The following CDH4 variants were observed in gnomAD, a reference collection of about 807,000 sequenced individuals.
CDH4 encodes cadherin 4.
Under a neutral mutation model 86.0 loss-of-function variants are expected in CDH4, and 33 were observed. That is an observed-to-expected ratio of 0.38 (90% CI 0.29 to 0.51). CDH4 has a LOEUF of 0.51. Among genes scored for constraint, CDH4 ranks in the 20% least tolerant of loss-of-function variants. CDH4 has a pLI of 0.86. For synonymous variants in CDH4, 555 were observed against 549.4 expected (o/e 1.01, Z -0.14); for missense variants, 1,114 against 1,307.4 (o/e 0.85, Z 2.28).
intron 9 of CDH4, among the ~76,000 whole-genome samples, chr20:61,910,809 C>A (rs1487843690): frequency 6.6e-6 from 1 of 152,116 alleles, no homozygotes; most frequent in Non-Finnish European, 1.5e-5. Context: ...GCTTGGCAGA[C>A]CCCCCAAAAA....
At chr20:61,604,647 C>T (rs758364124) in intron 2 of CDH4, among the ~76,000 whole-genome samples, 2 of 152,112 alleles carry the variant, frequency 1.3e-5, no homozygotes, top group Non-Finnish European at 2.9e-5. Context: ...TTCTTACTGA[C>T]GCACTCCTTC....
intron 2 of CDH4, among the ~76,000 whole-genome samples, chr20:61,486,572 C>A (rs920406177): frequency 6.6e-6 from 1 of 152,212 alleles, no homozygotes; most frequent in Non-Finnish European, 1.5e-5. Context: ...GTGGTGCCAC[C>A]TCAGTTAATA....
At chr20:61,887,016 G>A (rs992056228) in intron 7 of CDH4, among the ~76,000 whole-genome samples, 4 of 152,196 alleles carry the variant, frequency 2.6e-5, no homozygotes, top group Admixed American at 1.3e-4. Context: ...GCCCAGGCCC[G>A]CTACATGCAG....
Position 61,910,485 on chromosome 20 carries a change from C to G in CDH4, c.1252C>G (p.Arg418Gly), listed in dbSNP as rs766529605. Reference protein sequence around the residue: ...TVVANLTVMDRDQPHSPNWNA... With the variant: ...TVVANLTVMDGDQPHSPNWNA... ...GGTCGCAAACCTCACGGTGATGGAC[C>G]GAGATCAGCCCCACTCTCCAAACTG... Residue 418 changes from arginine (R) to glycine (G), a missense_variant, in exon 9 of 16, where the codon CGA (arginine) becomes GGA (glycine). Coordinates refer to ENST00000614565, the MANE Select transcript of CDH4 (RefSeq NM_001794.5). The G allele has an allele frequency of 2.9e-5, 47 of 1,613,882 alleles. No homozygotes were observed. In the East Asian group the frequency reaches 9.6e-4, roughly 33 times the overall value.
In CDH4 at chr20:61,862,068, G is replaced by A. The variant is rs1290254718; in HGVS notation, c.877+9170G>A. Among the ~76,000 whole-genome samples, 3 of 152,204 alleles carry A rather than the reference G, an allele frequency of 2.0e-5. No homozygotes were observed. In the East Asian group the frequency reaches 5.8e-4, roughly 29 times the overall value. ...GCAAAGGCTGTGCCCTCAGCCCAGG[G>A]CGCTGTCCCCCACGCTCTGCGCCAG... On this transcript the variant is annotated intron_variant, in intron 6 of 15. Coordinates refer to ENST00000614565, the MANE Select transcript of CDH4 (RefSeq NM_001794.5).
intron 2 of CDH4, among the ~76,000 whole-genome samples, chr20:61,572,985 G>A (rs1455213201): frequency 6.6e-6 from 1 of 150,810 alleles, no homozygotes; most frequent in African/African-American, 2.5e-5. Context: ...TGGATGGACG[G>A]ATAGACGGAC....
intron 7 of CDH4, among the ~76,000 whole-genome samples, chr20:61,882,824 C>T (rs929703341): frequency 6.6e-6 from 1 of 151,726 alleles, no homozygotes; most frequent in Non-Finnish European, 1.5e-5. Context: ...CCGCCCCAGC[C>T]CCCCGCCCCT....
At chr20:61,534,055 G>GA (rs758398094) in intron 2 of CDH4, among the ~76,000 whole-genome samples, 7 of 152,198 alleles carry the variant, frequency 4.6e-5, no homozygotes, top group Non-Finnish European at 8.8e-5. Flanking sequence ...GCAATAGGCA[G>GA]GCATGAGATA....
At chr20:61,567,217 C>T (rs910979341) in intron 2 of CDH4, among the ~76,000 whole-genome samples, 2 of 152,206 alleles carry the variant, frequency 1.3e-5, no homozygotes, top group Non-Finnish European at 2.9e-5. Flanking sequence ...TCCGAGCCCC[C>T]CAGGAAAGGC....
intron 2 of CDH4, among the ~76,000 whole-genome samples, chr20:61,674,233 G>A (rs1037721552): frequency 4.6e-5 from 7 of 152,192 alleles, no homozygotes; most frequent in African/African-American, 9.7e-5. Flanking sequence ...CCCGAGTCCC[G>A]TGGGGCGGAG....
chr20:61,730,877 C>T, intron 2 of CDH4, among the ~76,000 whole-genome samples: 1 of 146,772 alleles, frequency 6.8e-6, no homozygotes, highest in Non-Finnish European at 1.5e-5. Context: ...GCCATGCAGG[C>T]AGCGGGCTGA....
intron 4 of CDH4, among the ~76,000 whole-genome samples, chr20:61,827,815 A>G (rs1357851304): frequency 6.6e-6 from 1 of 152,212 alleles, no homozygotes; most frequent in Non-Finnish European, 1.5e-5. Flanking sequence ...CCAACAGGAC[A>G]CCCAGGTCAA....
At chr20:61,463,649 C>A (rs995476374) in intron 2 of CDH4, among the ~76,000 whole-genome samples, 1 of 152,140 alleles carries the variant, frequency 6.6e-6, no homozygotes, top group Non-Finnish European at 1.5e-5. Flanking sequence ...CATGTTGAAT[C>A]CCATCCTATG....
In CDH4 at chr20:61,753,275, C is replaced by T. The variant is rs7270508; in HGVS notation, c.396+9486C>T. 6.6e-3 allele frequency among the ~76,000 whole-genome samples: 1,008 copies of T among 152,190 alleles called. 10 individuals carry two copies. Among genetic ancestry groups the T allele is most frequent in the African/African-American group, 0.023 (969 of 41,520 alleles). On this transcript the variant is annotated intron_variant, in intron 3 of 15. Transcript: ENST00000614565. ...TCTGTAAATTTCATTTCTCTTATGT[C>T]GAGGTTTCTTCAAGTGCCGCCTCCT... is the stretch of plus-strand genomic sequence containing the variant.
intron 2 of CDH4, among the ~76,000 whole-genome samples, chr20:61,576,881 C>G (rs1293241870): frequency 6.6e-6 from 1 of 152,202 alleles, no homozygotes; most frequent in East Asian, 1.9e-4. Flanking sequence ...CCCCATTAAT[C>G]CTTGGGACTC....
chr20:61,274,219 C>A (rs1174316076), intron 2 of CDH4, among the ~76,000 whole-genome samples: 3 of 122,154 alleles, frequency 2.5e-5, no homozygotes, highest in African/African-American at 9.7e-5. Flanking sequence ...TGGGGGAGCA[C>A]CATGCACAGT....
At chr20:61,567,014 T>G (rs1341538084) in intron 2 of CDH4, among the ~76,000 whole-genome samples, 3 of 152,168 alleles carry the variant, frequency 2.0e-5, no homozygotes, top group African/African-American at 7.2e-5. Flanking sequence ...TTGTGGACAC[T>G]GAGGAGCTCT....
chr20:61,371,731 C>G (rs2084841672), intron 2 of CDH4, among the ~76,000 whole-genome samples: 1 of 152,238 alleles, frequency 6.6e-6, no homozygotes, highest in African/African-American at 2.4e-5. Context: ...GAGACCTCAT[C>G]ACGCACAGAG....
chr20:61,292,906 G>A (rs1185507731), intron 2 of CDH4, among the ~76,000 whole-genome samples: 1 of 152,228 alleles, frequency 6.6e-6, no homozygotes, highest in Non-Finnish European at 1.5e-5. Flanking sequence ...TGTGCCCTAG[G>A]AGGGAGGAAG....
Sources: gnomAD v4.1 joint callset for allele counts (sites outside exome capture counted in the v4.1 genomes callset) on GRCh38, gnomAD v4.1.1 for gene constraint, MANE v1.5 for transcripts, NCBI Gene and HGNC (gene_info 2026-07-23, HGNC 2026-07-21) for gene names.